Variants in EPC1 observed in about 807,000 individuals in gnomAD.
The protein encoded by EPC1 is enhancer of polycomb homolog 1.
A neutral mutation model predicts 98.4 loss-of-function variants in EPC1; 12 were observed. That is an observed-to-expected ratio of 0.12 (90% confidence interval 0.08 to 0.20). EPC1 has a LOEUF of 0.20. Ranked by LOEUF, EPC1 falls within the 10% of genes least tolerant of loss-of-function variation. The pLI, the probability that EPC1 is intolerant of heterozygous loss-of-function variation, is 1.00. For synonymous variants in EPC1, 357 were observed against 363.9 expected (o/e 0.98, Z 0.21); for missense variants, 729 against 990.5 (o/e 0.74, Z 3.54).
intron 2 of EPC1, among the ~76,000 whole-genome samples, chr10:32,301,113 C>T (rs761748249): frequency 1.3e-5 from 2 of 152,094 alleles, no homozygotes; most frequent in African/African-American, 4.8e-5. Context: ...TACCTACGTA[C>T]CTACATGCCC....
chr10:32,357,980 G>A (rs1476513585), intron 1 of EPC1, among the ~76,000 whole-genome samples: 2 of 149,838 alleles, frequency 1.3e-5, no homozygotes, highest in African/African-American at 4.9e-5. Context: ...TCAGCCTCCC[G>A]AGTAGCTGGG....
At chr10:32,349,861 A>G (rs189493944), upstream of EPC1, among the ~76,000 whole-genome samples, 284 of 152,266 alleles carry the variant, frequency 1.9e-3, 1 homozygote, top group Admixed American at 4.3e-3. Flanking sequence ...CGGCCTCCCA[A>G]AGTGCTGGGA....
exon 1 of EPC1, chr10:32,378,665 G>T (rs984778094): frequency 2.1e-6 from 1 of 482,220 alleles, no homozygotes; most frequent in East Asian, 3.4e-5. Context: ...GGCCGAATGG[G>T]GTGGCTTCCC....
chr10:32,363,188 C>T (rs1228487854), intron 1 of EPC1, among the ~76,000 whole-genome samples: 2 of 152,206 alleles, frequency 1.3e-5, no homozygotes, highest in Non-Finnish European at 2.9e-5. Context: ...ATCATCCCAC[C>T]TCAGCCTCCT....
At chr10:32,284,460 C>T in intron 10 of EPC1, 1 of 372,008 alleles carries the variant, frequency 2.7e-6, no homozygotes, top group East Asian at 4.1e-5. Context: ...AAACAAATGT[C>T]ACATATTAAA....
At chr10:32,269,169 A>G (rs1278963741) in intron 13 of EPC1, 34 bp from the exon 14 acceptor site, 1 of 1,561,520 alleles carries the variant, frequency 6.4e-7, no homozygotes, top group Admixed American at 1.7e-5. Flanking sequence ...TTACTTATCT[A>G]CAACATAAAT....
chr10:32,347,662 C>T (rs946945455), upstream of EPC1, among the ~76,000 whole-genome samples: 6 of 151,742 alleles, frequency 4.0e-5, no homozygotes, highest in Admixed American at 1.3e-4. Context: ...AGAGGCGCCG[C>T]GCGCCGCCGT....
Position 32,364,001 on chromosome 10 carries a change from C to CCTTTTTTTTTTTTTTTTTTTTTTTTTTT in EPC1, c.3+14489_3+14490insAAAAAAAAAAAAAAAAAAAAAAAAAAAG, listed in dbSNP as rs770520611. On this transcript the variant is annotated intron_variant, in intron 1 of 13. Transcript: ENST00000375110. ...AATAGTATCGTGTCCATCATGTTGG[C>CCTTTTTTTTTTTTTTTTTTTTTTTTTTT]ATTTTTTTTTTTTTTTTTTTTTTTT... 4.5e-4 allele frequency among the ~76,000 whole-genome samples: 28 copies of CCTTTTTTTTTTTTTTTTTTTTTTTTTTT among 61,840 alleles called. 13 individuals carry two copies. Among genetic ancestry groups the CCTTTTTTTTTTTTTTTTTTTTTTTTTTT allele is most frequent in the Admixed American group, 7.3e-4 (3 of 4,114 alleles). 40.6% of individuals were successfully genotyped at this position (61,840 alleles called of 152,430 possible).
intron 1 of EPC1, among the ~76,000 whole-genome samples, chr10:32,324,239 G>GT (rs1837123732): frequency 6.7e-6 from 1 of 150,170 alleles, no homozygotes; most frequent in South Asian, 2.2e-4. Context: ...GCCCGGCCTA[G>GT]TTATTCTTTA....
chr10:32,295,799 T>C (rs1255719702), intron 2 of EPC1, among the ~76,000 whole-genome samples: 1 of 152,210 alleles, frequency 6.6e-6, no homozygotes, highest in African/African-American at 2.4e-5. Context: ...TATATGTGGC[T>C]AGTGTTGTAT....
At chr10:32,330,060 G>C (rs775269803) in intron 1 of EPC1, among the ~76,000 whole-genome samples, 4 of 152,222 alleles carry the variant, frequency 2.6e-5, no homozygotes, top group South Asian at 2.1e-4. Context: ...ATAGGAGCCA[G>C]ATTACATAAA....
intron 1 of EPC1, chr10:32,345,273 T>C (rs1353431642): frequency 3.0e-6 from 3 of 985,334 alleles, no homozygotes; most frequent in African/African-American, 3.5e-5. Context: ...TCTGAGCTAC[T>C]ACATACACTT....
intron 1 of EPC1, among the ~76,000 whole-genome samples, 186 bp from the exon 2 acceptor site, chr10:32,306,117 A>AT (rs937105417): frequency 6.6e-6 from 1 of 152,234 alleles, no homozygotes; most frequent in Non-Finnish European, 1.5e-5. Context: ...AACAAAAAAA[A>AT]TTTTGTCAGA....
Position 32,285,208 on chromosome 10 carries a change from C to T in EPC1, c.1392-158G>A, listed in dbSNP as rs1191753603. 1.1e-5 allele frequency: 6 copies of T among 525,270 alleles called. No homozygotes were observed. In the East Asian group the frequency reaches 1.8e-4, roughly 16 times the overall value. 32.5% of individuals were successfully genotyped at this position (525,270 alleles called of 1,614,324 possible). A position where few individuals can be genotyped will look rare whatever the true frequency, so the allele number is the denominator to read the frequency against. On this transcript the variant is annotated intron_variant, in intron 9 of 13. Coordinates refer to ENST00000319778, the MANE Select transcript of EPC1 (RefSeq NM_001272004.3). ...TATTTTAGTGTTTGGTTTTTATAGG[C>T]TACAACCTCAATTTCTAATAAAAGT...
intron 1 of EPC1, among the ~76,000 whole-genome samples, chr10:32,366,068 G>A (rs542549909): frequency 1.1e-4 from 16 of 152,216 alleles, no homozygotes; most frequent in African/African-American, 3.6e-4. Flanking sequence ...GGGAAGAGGA[G>A]GTTGCAGTGA....
At chr10:32,321,308 C>T (rs1193950112) in intron 1 of EPC1, among the ~76,000 whole-genome samples, 1 of 152,070 alleles carries the variant, frequency 6.6e-6, no homozygotes, top group African/African-American at 2.4e-5. Context: ...TATTTACTAT[C>T]TGATTCTTTA....
At chr10:32,312,044 A>G (rs1836264686) in intron 1 of EPC1, among the ~76,000 whole-genome samples, 2 of 152,230 alleles carry the variant, frequency 1.3e-5, no homozygotes, top group African/African-American at 2.4e-5. Context: ...TGCAGAAAGC[A>G]AAACCATGGA....
chr10:32,365,962 C>T (rs541636219), intron 1 of EPC1, among the ~76,000 whole-genome samples: 1 of 150,946 alleles, frequency 6.6e-6, no homozygotes, highest in South Asian at 2.1e-4. Flanking sequence ...GGTGAAACCC[C>T]GTCTCTACTA....
intron 1 of EPC1, among the ~76,000 whole-genome samples, chr10:32,359,210 G>A (rs1324571343): frequency 6.6e-6 from 1 of 152,080 alleles, no homozygotes; most frequent in Non-Finnish European, 1.5e-5. Context: ...CTTTGAAAAG[G>A]CATAAAGATC....
Sources: allele counts gnomAD v4.1 joint callset (sites outside exome capture counted in the v4.1 genomes callset), GRCh38; gene constraint gnomAD v4.1.1; transcripts MANE v1.5; gene names NCBI Gene and HGNC (gene_info 2026-07-23, HGNC 2026-07-21).